The following GABRB2 variants were observed in gnomAD, a reference collection of about 807,000 sequenced individuals.
GABRB2 encodes gamma-aminobutyric acid type A receptor subunit beta2, also known as gamma-aminobutyric acid receptor subunit beta-2.
Under a neutral mutation model 54.7 loss-of-function variants are expected in GABRB2, and 16 were observed. The observed-to-expected ratio is 0.29, with a 90% CI of 0.20 to 0.44. The LOEUF (loss-of-function observed/expected upper bound fraction) is 0.44. Among genes scored for constraint, GABRB2 ranks in the 20% least tolerant of loss-of-function variants. The pLI is 1.00. For missense variants in GABRB2, 355 were observed against 644.0 expected, an observed-to-expected ratio of 0.55 and a Z score of 4.86; for synonymous variants, 244 against 233.8, an observed-to-expected ratio of 1.04 and a Z score of -0.40.
chr5:161,326,515 T>C, intron 8 of GABRB2, 34 bp from the exon 9 acceptor site: 1 of 1,604,718 alleles, frequency 6.2e-7, no homozygotes, highest in East Asian at 2.2e-5. Flanking sequence ...GCTAATTAAG[T>C]CGATTGATGC....
rs1455201700 is a variant in GABRB2 at position 161,290,348 on chromosome 5, T to C, written c.*3733A>G. ...CCAATGGACAATGTTATTTGTTTCC[T>C]TGAAAAAGAGAGCAATTAGACAAGC... On this transcript the variant is annotated 3_prime_UTR_variant, in exon 10 of 10. Transcript: ENST00000393959. The C allele has an allele frequency of 2.0e-5, 3 of 152,494 alleles. No individual in the cohort carries two copies. Among genetic ancestry groups the C allele is most frequent in the African/African-American group, 7.2e-5 (3 of 41,432 alleles). 9.4% of individuals were successfully genotyped at this position (152,494 alleles called of 1,614,324 possible).
At chr5:161,504,922 T>C (rs62381577) in intron 3 of GABRB2, among the ~76,000 whole-genome samples, 31,073 of 151,832 alleles carry the variant, frequency 0.2, 3,623 homozygotes, top group Non-Finnish European at 0.27. Context: ...TAAATATGAA[T>C]AGGCCAATAA....
chr5:161,373,871 T>C (rs1466127745), intron 5 of GABRB2, among the ~76,000 whole-genome samples: 1 of 151,816 alleles, frequency 6.6e-6, no homozygotes. Flanking sequence ...GAGTTCCTTC[T>C]TTACCATCTC....
rs1315328551 is a variant in GABRB2 at position 161,353,336 on chromosome 5, A to T, written c.542-16567T>A. Among the ~76,000 whole-genome samples the T allele has an allele frequency of 3.9e-5, 6 of 152,188 alleles. No homozygotes were observed. The East Asian group carries it at 1.2e-3, about 29-fold the overall frequency. ...AAAGTAATATACCTCCTGTTGCAGG[A>T]CTGGACAGAGTAGTAAAGGAAGGAG... is the stretch of plus-strand genomic sequence containing the variant. On this transcript the variant is annotated intron_variant, in intron 5 of 9. Coordinates refer to ENST00000393959, the MANE Select transcript of GABRB2 (RefSeq NM_001371727.1).
At position 161,336,818 on chromosome 5, in the gene GABRB2, A is replaced by C. The variant is rs536229884; in HGVS notation, c.542-49T>G. 2.5e-4 allele frequency: 390 copies of C among 1,545,498 alleles called. 3 individuals are homozygous for C. Among genetic ancestry groups the C allele is most frequent in the South Asian group, 2.4e-3 (199 of 82,154 alleles). ...CACACACACAAATACAGAAAACAAA[A>C]AAAAAAAAACAGACAAAACAGAAAA... On this transcript the variant is annotated intron_variant, in intron 5 of 9. Coordinates refer to ENST00000393959, the MANE Select transcript of GABRB2 (RefSeq NM_001371727.1).
At chr5:161,325,728 C>T (rs942470290) in intron 9 of GABRB2, among the ~76,000 whole-genome samples, 2 of 152,086 alleles carry the variant, frequency 1.3e-5, no homozygotes, top group Admixed American at 1.3e-4. Flanking sequence ...ATTAAGATCA[C>T]CAACACATGA....
rs377057474 is a variant in GABRB2, at chr5:161,515,294, A to G, written c.237+29933T>C. On this transcript the variant is annotated intron_variant, in intron 3 of 9. Transcript: ENST00000393959. ...ATTAGAATTTTTTAAAAAAAATTCA[A>G]AAGTAAAAGGAACTGTTTTGTTTTC... 5.1e-4 allele frequency among the ~76,000 whole-genome samples: 77 copies of G among 152,286 alleles called. 1 individual carries two copies. In the South Asian group the frequency reaches 0.015, roughly 30 times the overall value.
chr5:161,517,642 C>T (rs1347339119), intron 3 of GABRB2, among the ~76,000 whole-genome samples: 1 of 152,158 alleles, frequency 6.6e-6, no homozygotes, highest in Non-Finnish European at 1.5e-5. Flanking sequence ...CAGTGGTCCA[C>T]CGCCTGCATT....
At chr5:161,474,863 A>G (rs1280054597) in intron 3 of GABRB2, among the ~76,000 whole-genome samples, 1 of 151,974 alleles carries the variant, frequency 6.6e-6, no homozygotes, top group Non-Finnish European at 1.5e-5. Context: ...CTTTTCGATC[A>G]GGAGTTAATT....
intron 5 of GABRB2, among the ~76,000 whole-genome samples, chr5:161,357,112 G>A (rs1754654507): frequency 6.6e-6 from 1 of 152,158 alleles, no homozygotes; most frequent in Non-Finnish European, 1.5e-5. Context: ...TGAGTTATAG[G>A]TGCTTTGGAC....
intron 4 of GABRB2, among the ~76,000 whole-genome samples, chr5:161,424,540 T>A (rs967646123): frequency 2.6e-5 from 4 of 152,260 alleles, no homozygotes; most frequent in Non-Finnish European, 5.9e-5. Context: ...CATGATTTAC[T>A]AACTATTTTA....
chr5:161,467,608 GT>G (rs1479032965), intron 3 of GABRB2, among the ~76,000 whole-genome samples: 4 of 151,986 alleles, frequency 2.6e-5, no homozygotes, highest in African/African-American at 9.7e-5. Context: ...AAGTATTTCA[GT>G]TTTTTTGTCA....
chr5:161,499,470 C>T (rs993277702), intron 3 of GABRB2, among the ~76,000 whole-genome samples: 5 of 152,136 alleles, frequency 3.3e-5, no homozygotes, highest in African/African-American at 1.2e-4. Context: ...TCCTCCTAAA[C>T]ACCCAACGGT....
At position 161,426,658 on chromosome 5, in the gene GABRB2, A is replaced by G. The variant is rs565555300; in HGVS notation, c.459-15601T>C. On this transcript the variant is annotated intron_variant, in intron 4 of 9. Transcript: ENST00000393959. ...AAATAAAGAATTAAAGCAGAATGAA[A>G]TGAATCATAATAAAAAGAAACTGGG... 6.6e-5 allele frequency among the ~76,000 whole-genome samples: 10 copies of G among 152,260 alleles called. No individual in the cohort carries two copies. In the South Asian group the frequency reaches 1.0e-3, roughly 16 times the overall value.
intron 3 of GABRB2, among the ~76,000 whole-genome samples, chr5:161,462,963 T>C (rs1758156141): frequency 6.6e-6 from 1 of 152,086 alleles, no homozygotes; most frequent in Non-Finnish European, 1.5e-5. Context: ...ACTCCACCTT[T>C]GGGAACTTGT....
At chr5:161,363,490 C>T (rs1003349647) in intron 5 of GABRB2, among the ~76,000 whole-genome samples, 1 of 152,044 alleles carries the variant, frequency 6.6e-6, no homozygotes, top group South Asian at 2.1e-4. Flanking sequence ...AACAAACCTG[C>T]ACATTCTGCA....
chr5:161,463,555 T>TAGATATATATATAGATATATATATATATA (rs1236064276), intron 3 of GABRB2, among the ~76,000 whole-genome samples: 1 of 23,710 alleles, frequency 4.2e-5, no homozygotes, highest in African/African-American at 1.8e-4. Flanking sequence ...ATATTTTTAT[T>TAGATATATATATAGATATATATATATATA]TATATATATA....
At chr5:161,363,639 C>G (rs1336538116) in intron 5 of GABRB2, among the ~76,000 whole-genome samples, 1 of 152,086 alleles carries the variant, frequency 6.6e-6, no homozygotes, top group African/African-American at 2.4e-5. Context: ...GAGTTCTAGG[C>G]TTCAGTGAGC....
At chr5:161,421,076 T>A (rs1756833076) in intron 4 of GABRB2, among the ~76,000 whole-genome samples, 1 of 152,182 alleles carries the variant, frequency 6.6e-6, no homozygotes, top group African/African-American at 2.4e-5. Flanking sequence ...CCCAGTTTTA[T>A]TTTCTTCATG....
Sources: allele counts gnomAD v4.1 joint callset (sites outside exome capture counted in the v4.1 genomes callset), GRCh38; gene constraint gnomAD v4.1.1; transcripts MANE v1.5; gene names NCBI Gene and HGNC (gene_info 2026-07-23, HGNC 2026-07-21).